The following MACROD2 variants were observed in gnomAD, a reference collection of about 807,000 sequenced individuals.
MACROD2 encodes ADP-ribose glycohydrolase MACROD2.
MACROD2 carries 36 observed loss-of-function variants against 70.4 expected under a neutral mutation model. The ratio of observed to expected loss-of-function variants is 0.51; its 90% CI spans 0.39 to 0.68. The LOEUF is 0.68. Ranked by LOEUF, MACROD2 falls within the 30% of genes least tolerant of loss-of-function variation. The pLI, the probability that MACROD2 is intolerant of heterozygous loss-of-function variation, is 0.00. For missense variants in MACROD2, 496 were observed against 538.4 expected, an observed-to-expected ratio of 0.92 and a Z score of 0.78; for synonymous variants, 172 against 178.8, an observed-to-expected ratio of 0.96 and a Z score of 0.30.
intron 15 of MACROD2, among the ~76,000 whole-genome samples, chr20:16,040,370 A>G (rs2067291800): frequency 6.6e-6 from 1 of 151,956 alleles, no homozygotes. Context: ...ATGAAAATAA[A>G]TTTAATCCTC....
At chr20:15,005,441 T>C (rs943488454) in intron 5 of MACROD2, among the ~76,000 whole-genome samples, 2 of 152,220 alleles carry the variant, frequency 1.3e-5, no homozygotes, top group Non-Finnish European at 2.9e-5. Flanking sequence ...TTATCTAACA[T>C]GGCCAAGGAA....
intron 5 of MACROD2, among the ~76,000 whole-genome samples, chr20:15,180,855 G>GT (rs374829783): frequency 6.6e-5 from 10 of 152,220 alleles, no homozygotes; most frequent in African/African-American, 1.9e-4. Flanking sequence ...AATGTGATAT[G>GT]TTTTTTCTAG....
intron 3 of MACROD2, among the ~76,000 whole-genome samples, chr20:14,193,069 T>C (rs1463699516): frequency 6.6e-6 from 1 of 152,218 alleles, no homozygotes; most frequent in African/African-American, 2.4e-5. Context: ...CAGCCTGACA[T>C]GTTACAAATA....
intron 8 of MACROD2, among the ~76,000 whole-genome samples, chr20:15,827,874 C>T (rs2064014469): frequency 6.6e-6 from 1 of 152,198 alleles, no homozygotes; most frequent in African/African-American, 2.4e-5. Context: ...GAAGAATTGA[C>T]AGAGTTGCTA....
chr20:14,880,868 G>A (rs1317602191), intron 5 of MACROD2, among the ~76,000 whole-genome samples: 2 of 152,122 alleles, frequency 1.3e-5, no homozygotes, highest in Non-Finnish European at 2.9e-5. Context: ...AGTTTGCTGG[G>A]CCAGAGTGGC....
chr20:15,911,751 A>G (rs1435555462), intron 10 of MACROD2, among the ~76,000 whole-genome samples: 1 of 152,240 alleles, frequency 6.6e-6, no homozygotes, highest in East Asian at 1.9e-4. Flanking sequence ...ATCCATAGGA[A>G]ACAGACATGT....
chr20:15,389,938 A>G (rs1970128457), intron 6 of MACROD2, among the ~76,000 whole-genome samples: 1 of 152,222 alleles, frequency 6.6e-6, no homozygotes, highest in Non-Finnish European at 1.5e-5. Context: ...TATTTAAAAC[A>G]CAAAGTAAAG....
At chr20:14,218,163 A>G (rs2081639862) in intron 3 of MACROD2, among the ~76,000 whole-genome samples, 1 of 152,150 alleles carries the variant, frequency 6.6e-6, no homozygotes, top group South Asian at 2.1e-4. Context: ...TCTTAGGTCT[A>G]TTAGTAATTG....
intron 5 of MACROD2, among the ~76,000 whole-genome samples, chr20:15,143,270 G>A (rs188160350): frequency 6.6e-6 from 1 of 152,304 alleles, no homozygotes; most frequent in East Asian, 1.9e-4. Flanking sequence ...CAGTGATGAT[G>A]AGCATTTTTT....
At chr20:15,918,256 A>G (rs577721327) in intron 10 of MACROD2, among the ~76,000 whole-genome samples, 7 of 152,366 alleles carry the variant, frequency 4.6e-5, no homozygotes, top group African/African-American at 1.2e-4. Context: ...TTTTGGATAC[A>G]TAATGTTTCT....
intron 9 of MACROD2, among the ~76,000 whole-genome samples, chr20:15,873,740 C>T (rs183971206): frequency 3.0e-4 from 46 of 151,532 alleles, no homozygotes; most frequent in Admixed American, 2.2e-3. Context: ...ACGAAAAGTC[C>T]GAAGGTTTAA....
At chr20:15,697,584 A>G (rs1228854767) in intron 8 of MACROD2, among the ~76,000 whole-genome samples, 3 of 152,162 alleles carry the variant, frequency 2.0e-5, no homozygotes, top group East Asian at 1.9e-4. Context: ...GTTCTAAGGT[A>G]TAGTTTAAAT....
At chr20:15,699,020 C>G (rs768174584) in intron 8 of MACROD2, among the ~76,000 whole-genome samples, 1 of 152,188 alleles carries the variant, frequency 6.6e-6, no homozygotes, top group Non-Finnish European at 1.5e-5. Flanking sequence ...TTGGGCTACG[C>G]CTTTCTCTGG....
At chr20:15,281,219 G>C (rs2077441333) in intron 6 of MACROD2, among the ~76,000 whole-genome samples, 1 of 151,986 alleles carries the variant, frequency 6.6e-6, no homozygotes. Context: ...GGTGAGATTT[G>C]GGTGGGGACA....
chr20:15,651,908 A>G (rs2049650733), intron 8 of MACROD2, among the ~76,000 whole-genome samples: 2 of 152,238 alleles, frequency 1.3e-5, no homozygotes, highest in South Asian at 4.2e-4. Context: ...ATTACTTTGC[A>G]TTTTAGTAAG....
intron 8 of MACROD2, among the ~76,000 whole-genome samples, chr20:15,578,679 C>T (rs1040544315): frequency 1.3e-4 from 3 of 22,664 alleles, no homozygotes; most frequent in African/African-American, 1.6e-4. Context: ...GAACAAGGGG[C>T]TCCTAGGGTG....
At chr20:14,791,594 T>G (rs1280318115) in intron 5 of MACROD2, among the ~76,000 whole-genome samples, 4 of 152,032 alleles carry the variant, frequency 2.6e-5, no homozygotes, top group African/African-American at 9.7e-5. Context: ...CTATAAAATT[T>G]TGAGCATCCT....
chr20:14,751,556 G>A (rs1025797082), intron 5 of MACROD2, among the ~76,000 whole-genome samples: 2 of 151,968 alleles, frequency 1.3e-5, no homozygotes, highest in Non-Finnish European at 2.9e-5. Context: ...AAACTTCAGG[G>A]GCAAACAATT....
chr20:15,505,841 G>A (rs1020542569), intron 8 of MACROD2, among the ~76,000 whole-genome samples: 3 of 152,056 alleles, frequency 2.0e-5, no homozygotes, highest in Non-Finnish European at 2.9e-5. Context: ...TTCTCTCCTC[G>A]CGTACAAGGT....
Sources: allele counts gnomAD v4.1 joint callset (sites outside exome capture counted in the v4.1 genomes callset), GRCh38; gene constraint gnomAD v4.1.1; transcripts MANE v1.5; gene names NCBI Gene and HGNC (gene_info 2026-07-23, HGNC 2026-07-21).